FSTL5: variants seen among roughly 807,000 people sequenced by gnomAD.
FSTL5 encodes the protein follistatin-related protein 5.
A neutral mutation model predicts 89.1 loss-of-function variants in FSTL5; 62 were observed. That is an observed-to-expected ratio of 0.70 (90% CI 0.57 to 0.86). The LOEUF is 0.86. FSTL5 is among the 40% of genes least tolerant of loss of function. FSTL5 has a pLI of 0.00. For missense variants in FSTL5, 1,057 were observed against 1,001.6 expected, an observed-to-expected ratio of 1.06 and a Z score of -0.75; for synonymous variants, 383 against 346.2, an observed-to-expected ratio of 1.11 and a Z score of -1.18.
At chr4:161,478,802 A>G (rs769273364) in intron 13 of FSTL5, among the ~76,000 whole-genome samples, 1 of 152,100 alleles carries the variant, frequency 6.6e-6, no homozygotes, top group East Asian at 1.9e-4. Flanking sequence ...CAAGTAGGTA[A>G]CTACAAATAC....
chr4:161,661,996 G>T (rs1436002943), intron 6 of FSTL5, among the ~76,000 whole-genome samples: 3 of 152,120 alleles, frequency 2.0e-5, no homozygotes, highest in Admixed American at 6.5e-5. Context: ...ACCTGGAATT[G>T]CACATTCTGT....
chr4:161,632,358 C>T (rs958984576), intron 7 of FSTL5, among the ~76,000 whole-genome samples: 14 of 151,858 alleles, frequency 9.2e-5, no homozygotes, highest in Admixed American at 5.9e-4. Flanking sequence ...CGAGCCCTGG[C>T]GACAGACTGA....
At chr4:161,420,402 A>AGT (rs1731941415) in intron 15 of FSTL5, among the ~76,000 whole-genome samples, 2 of 152,174 alleles carry the variant, frequency 1.3e-5, no homozygotes, top group Non-Finnish European at 2.9e-5. Flanking sequence ...CATGTGTGTC[A>AGT]GTGTGTGTGT....
intron 3 of FSTL5, among the ~76,000 whole-genome samples, chr4:161,972,054 G>A (rs1375827865): frequency 6.6e-6 from 1 of 152,032 alleles, no homozygotes; most frequent in African/African-American, 2.4e-5. Context: ...TCTGGCCACT[G>A]CTCCACTTCT....
chr4:161,494,498 A>C (rs950246526), intron 12 of FSTL5, among the ~76,000 whole-genome samples: 4 of 152,218 alleles, frequency 2.6e-5, no homozygotes, highest in African/African-American at 7.2e-5. Context: ...CAGCAGAGAA[A>C]GAAATGTGGA....
intron 3 of FSTL5, among the ~76,000 whole-genome samples, chr4:162,000,534 G>C (rs1226605754): frequency 1.3e-5 from 2 of 151,656 alleles, no homozygotes; most frequent in African/African-American, 2.4e-5. Context: ...GGAGGTGGAG[G>C]TTGCAGTGAG....
intron 1 of FSTL5, among the ~76,000 whole-genome samples, chr4:162,125,999 A>T: frequency 6.6e-6 from 1 of 152,064 alleles, no homozygotes; most frequent in East Asian, 1.9e-4. Flanking sequence ...AGTCTAAAAT[A>T]TTCAATGTAT....
chr4:161,783,677 CTCTTTCTTTCTTTCTTTCTT>C (rs751181020), intron 4 of FSTL5, among the ~76,000 whole-genome samples: 3 of 8,164 alleles, frequency 3.7e-4, no homozygotes, highest in African/African-American at 9.5e-4. Context: ...TTCTTTCTTT[CTCTTTCTTTCTTTCTTTCTT>C]TCTTTCTTTC....
intron 4 of FSTL5, among the ~76,000 whole-genome samples, chr4:161,867,243 T>C (rs1051770866): frequency 1.3e-5 from 2 of 152,024 alleles, no homozygotes; most frequent in South Asian, 2.1e-4. Context: ...TATCTTGAAA[T>C]TGGCTTTTAA....
intron 3 of FSTL5, among the ~76,000 whole-genome samples, chr4:161,936,857 C>A (rs534174528): frequency 1.3e-5 from 2 of 152,226 alleles, no homozygotes; most frequent in South Asian, 4.1e-4. Context: ...TAATCTTAGC[C>A]ATCAGGCAGA....
At chr4:161,894,857 C>A (rs1733105615) in intron 4 of FSTL5, among the ~76,000 whole-genome samples, 5 of 152,208 alleles carry the variant, frequency 3.3e-5, no homozygotes, top group Admixed American at 3.3e-4. Context: ...TTCTATAAGA[C>A]AGGAAATTAT....
At chr4:162,032,111 C>A (rs1378202670) in intron 3 of FSTL5, among the ~76,000 whole-genome samples, 1 of 152,080 alleles carries the variant, frequency 6.6e-6, no homozygotes, top group Non-Finnish European at 1.5e-5. Context: ...TCTACTACTT[C>A]AGATGACATG....
intron 3 of FSTL5, among the ~76,000 whole-genome samples, chr4:161,986,131 C>T (rs1362595183): frequency 3.9e-5 from 6 of 152,166 alleles, no homozygotes; most frequent in Admixed American, 6.5e-5. Flanking sequence ...CATATCTGCA[C>T]ACCTCATTCT....
chr4:161,759,527 A>G lies in FSTL5; in HGVS notation c.611T>C (p.Ile204Thr). Residue 204 changes from isoleucine (I) to threonine (T), a missense_variant, in exon 6 of 16, where the codon ATA becomes ACA. Transcript: ENST00000306100. ...ATCCTTGCCAAGTTCTTCCTGTTTT[A>G]TCACCTAACAAGAAAATTATAAACC... Reference protein sequence around the residue: ...LVDINELTQVIKQEELGKDLF... With the variant: ...LVDINELTQVTKQEELGKDLF... 1.3e-6 allele frequency: 2 copies of G among 1,537,630 alleles called. No homozygotes were observed. Among genetic ancestry groups the G allele is most frequent in the Non-Finnish European group, 1.8e-6 (2 of 1,139,458 alleles).
At chr4:161,416,621 G>A (rs1176133584) in intron 15 of FSTL5, among the ~76,000 whole-genome samples, 1 of 152,090 alleles carries the variant, frequency 6.6e-6, no homozygotes, top group Non-Finnish European at 1.5e-5. Flanking sequence ...CAGGTGGGGG[G>A]ATCACAAGAT....
chr4:161,901,132 A>C (rs1733350015), intron 4 of FSTL5, among the ~76,000 whole-genome samples: 1 of 152,100 alleles, frequency 6.6e-6, no homozygotes, highest in Non-Finnish European at 1.5e-5. Context: ...ATGCTGAGCT[A>C]TAACAACAAT....
intron 9 of FSTL5, among the ~76,000 whole-genome samples, chr4:161,538,995 C>T (rs190724323): frequency 5.3e-5 from 8 of 152,190 alleles, no homozygotes; most frequent in Non-Finnish European, 1.2e-4. Context: ...GAACTCCTGA[C>T]CTCAGGTTAT....
At chr4:161,427,125 C>T (rs915433158) in intron 15 of FSTL5, among the ~76,000 whole-genome samples, 5 of 152,152 alleles carry the variant, frequency 3.3e-5, no homozygotes, top group Non-Finnish European at 5.9e-5. Flanking sequence ...TTTACAGTTT[C>T]GTCCAGATGT....
chr4:161,825,396 C>G (rs1199584117), intron 4 of FSTL5, among the ~76,000 whole-genome samples: 1 of 152,042 alleles, frequency 6.6e-6, no homozygotes, highest in African/African-American at 2.4e-5. Flanking sequence ...TAGGGTGATA[C>G]TGGTTTCATA....
Sources: gnomAD v4.1 joint callset for allele counts (sites outside exome capture counted in the v4.1 genomes callset) on GRCh38, gnomAD v4.1.1 for gene constraint, MANE v1.5 for transcripts, NCBI Gene and HGNC (gene_info 2026-07-23, HGNC 2026-07-21) for gene names.